The following OR51D1 variants were observed in gnomAD, a reference collection of about 807,000 sequenced individuals.
OR51D1 encodes olfactory receptor 51D1.
For synonymous variants in OR51D1, 187 were observed against 161.1 expected, an observed-to-expected ratio of 1.16 and a Z score of -1.22; for missense variants, 452 against 396.2, an observed-to-expected ratio of 1.14 and a Z score of -1.20.
Position 4,641,143 on chromosome 11 carries a change from G to A in OR51D1, c.*378G>A, listed in dbSNP as rs182187446. The A allele has an allele frequency of 8.0e-5, 15 of 187,206 alleles. No individual in the cohort carries two copies. The highest frequency in any genetic ancestry group is 6.7e-4 in the East Asian group (5 of 7,426). 11.6% of individuals were successfully genotyped at this position (187,206 alleles called of 1,614,324 possible). On this transcript the variant is annotated 3_prime_UTR_variant, in exon 2 of 2. Coordinates refer to ENST00000641817, the MANE Select transcript of OR51D1 (RefSeq NM_001004751.3). ...TGGTGAATTTGCATGGACTATAAACGTTATTGCAAATACCCTAAAGTGGTT... is the reference window on the plus strand; with the variant it reads ...TGGTGAATTTGCATGGACTATAAACATTATTGCAAATACCCTAAAGTGGTT...
rs141699396 is a variant in OR51D1 at position 4,639,850 on chromosome 11, C to T, written c.60C>T (p.His20=). 1.0e-4 allele frequency: 162 copies of T among 1,614,160 alleles called. 2 individuals are homozygous for T. The highest frequency in any genetic ancestry group is 4.6e-4 in the South Asian group (42 of 91,084). The change falls in exon 2 of 2, where the codon CAC becomes CAT. Residue 20 remains histidine, a synonymous_variant. Coordinates refer to ENST00000641817, the MANE Select transcript of OR51D1 (RefSeq NM_001004751.3). ...CCACTTCAAATGGAAATCTGGTCCACGCAGCATACTTCCTTTTGGTGGGTA... is the reference window on the plus strand; with the variant it reads ...CCACTTCAAATGGAAATCTGGTCCATGCAGCATACTTCCTTTTGGTGGGTA... The part of the protein sequence containing the change: ...IIATSNGNLV[H]AAYFLLVGIP...
At position 4,640,711 on chromosome 11, in the gene OR51D1, G is replaced by T; in HGVS notation, c.921G>T (p.Lys307Asn). ...TCAACCCCCTTGTCTATGGAGCCAA[G>T]ACCAAAGAGATCTGTTCAAGGGTCC... Reference protein sequence around the residue: ...PVVNPLVYGAKTKEICSRVLC... With the variant: ...PVVNPLVYGANTKEICSRVLC... Residue 307 changes from lysine to asparagine, a missense_variant, in exon 2 of 2, where the codon AAG becomes AAT. Lys to Asn is a moderately conservative substitution (Grantham distance 94). Transcript: ENST00000641817. 2 of 1,613,892 alleles carry T rather than the reference G, an allele frequency of 1.2e-6. No individual in the cohort carries two copies. Among genetic ancestry groups the T allele is most frequent in the South Asian group, 2.2e-5 (2 of 91,024 alleles).
Position 4,640,135 on chromosome 11 carries a change from C to T in OR51D1, c.345C>T (p.Phe115=). ...TCAACATTTGCCTGGCCCAGATGTTCCTTATCCATGCTCTGTCAGCCGTGG... is the reference window on the plus strand; with the variant it reads ...TCAACATTTGCCTGGCCCAGATGTTTCTTATCCATGCTCTGTCAGCCGTGG... The part of the protein sequence containing the change: ...IEFNICLAQM[F]LIHALSAVES... Residue 115 remains phenylalanine (F), a synonymous_variant, in exon 2 of 2, where the codon TTC becomes TTT. Transcript: ENST00000641817. 6.2e-7 allele frequency: 1 copy of T among 1,614,228 alleles called. No individual in the cohort carries two copies. The highest frequency in any genetic ancestry group is 1.1e-5 in the South Asian group (1 of 91,076).
Position 4,639,951 on chromosome 11 carries a change from G to C in OR51D1, c.161G>C (p.Gly54Ala). Residue 54 changes from glycine to alanine, a missense_variant, in exon 2 of 2, where the codon GGT becomes GCT. Physicochemically the swap from Gly to Ala is moderately conservative, Grantham distance 60. Coordinates refer to ENST00000641817, the MANE Select transcript of OR51D1 (RefSeq NM_001004751.3). ...TTTATGTATGCCTTGGCCACCCTGGGTAACCTGACCATTGTCCTCATCATT... is the reference window on the plus strand; with the variant it reads ...TTTATGTATGCCTTGGCCACCCTGGCTAACCTGACCATTGTCCTCATCATT... ...LCFMYALATL[G>A]NLTIVLIIRV... is the part of the protein sequence containing the mutation. The C allele has an allele frequency of 1.2e-6, 2 of 1,614,168 alleles. No individual in the cohort carries two copies. The highest frequency in any genetic ancestry group is 1.7e-6 in the Non-Finnish European group (2 of 1,180,018).
rs1228994857 is a variant in OR51D1, at chr11:4,641,662, C to T, written c.*897C>T. ...GGTAAGAATGCTGCCTCTACCTTTT[C>T]TTCCTATTTGTACTATGTGAATGTG... On this transcript the variant is annotated 3_prime_UTR_variant, in exon 2 of 2. Transcript: ENST00000641817. 2.6e-5 allele frequency: 4 copies of T among 152,378 alleles called. No homozygotes were observed. The highest frequency in any genetic ancestry group is 7.2e-5 in the African/African-American group (3 of 41,406). The allele number at this position is 152,378 out of a possible 1,614,324, so 9.4% of individuals were successfully genotyped here. A position where few individuals can be genotyped will look rare whatever the true frequency, so the allele number is the denominator to read the frequency against.
In OR51D1 at chr11:4,640,666, C is replaced by T. The variant is rs1410375129; in HGVS notation, c.876C>T (p.Tyr292=). 6.2e-7 allele frequency: 1 copy of T among 1,613,970 alleles called. No homozygotes were observed. The highest frequency in any genetic ancestry group is 8.5e-7 in the Non-Finnish European group (1 of 1,180,008). Residue 292 remains tyrosine (Y), a synonymous_variant, in exon 2 of 2, where the codon TAC becomes TAT. Coordinates refer to ENST00000641817, the MANE Select transcript of OR51D1 (RefSeq NM_001004751.3). ...SLLHVVMANT[Y]LLLPPVVNPL... Reference sequence around the variant, plus strand: ...TCCATGTGGTTATGGCTAATACCTACTTGCTGCTACCACCTGTAGTCAACC... The same window carrying T: ...TCCATGTGGTTATGGCTAATACCTATTTGCTGCTACCACCTGTAGTCAACC...
At position 4,640,245 on chromosome 11, in the gene OR51D1, G is replaced by A. The variant is rs777452875; in HGVS notation, c.455G>A (p.Cys152Tyr). The A allele has an allele frequency of 1.2e-5, 19 of 1,614,098 alleles. 1 individual carries two copies. In the South Asian group the frequency reaches 2.0e-4, roughly 17 times the overall value. The change falls in exon 2 of 2, where the codon TGT becomes TAT. Residue 152 changes from cysteine (C) to tyrosine (Y), a missense_variant. Coordinates refer to ENST00000641817, the MANE Select transcript of OR51D1 (RefSeq NM_001004751.3). ...PLRHASVLTG[C>Y]TVAKIGLSAL... is the part of the protein sequence containing the mutation. The stretch of plus-strand genomic sequence containing the variant: ...CGCCATGCTTCTGTGCTGACAGGGT[G>A]TACTGTGGCCAAGATTGGACTATCT...
Position 4,639,806 on chromosome 11 carries a change from C to T in OR51D1, c.16C>T (p.Leu6Phe), listed in dbSNP as rs772087616. ...TGGATTTTGTATGCAGAAGCCCCAG[C>T]TCTTGGTCCCTATCATAGCCACTTC... MQKPQLLVPIIATSNG... is the reference protein window; with the variant it reads MQKPQFLVPIIATSNG... The change falls in exon 2 of 2, where the codon CTC (leucine) becomes TTC (phenylalanine). Residue 6 changes from leucine to phenylalanine, a missense_variant. Leu to Phe is a conservative substitution (Grantham distance 22, BLOSUM62 0). Transcript: ENST00000641817. 6.2e-7 allele frequency: 1 copy of T among 1,613,206 alleles called. No homozygotes were observed. The highest frequency in any genetic ancestry group is 8.5e-7 in the Non-Finnish European group (1 of 1,179,378).
rs1310079093 is a variant in OR51D1, at chr11:4,642,603, A to G, written c.*1838A>G. 1.3e-5 allele frequency: 2 copies of G among 148,532 alleles called. No individual in the cohort carries two copies. The highest frequency in any genetic ancestry group is 2.5e-5 in the African/African-American group (1 of 40,224). The allele number at this position is 148,532 out of a possible 1,614,324, so 9.2% of individuals were successfully genotyped here. ...GCCTTGGTTGTAGGGAGTTTCTCCT[A>G]ATCCCTCTGGGAAAGCAAGGGTGGA... is the stretch of plus-strand genomic sequence containing the variant. On this transcript the variant is annotated 3_prime_UTR_variant, in exon 2 of 2. Coordinates refer to ENST00000641817, the MANE Select transcript of OR51D1 (RefSeq NM_001004751.3).
Position 4,642,136 on chromosome 11 carries a change from T to C in OR51D1, c.*1371T>C, listed in dbSNP as rs1846975448. The stretch of plus-strand genomic sequence containing the variant: ...GGTCAGCCTGGGTGATAGCTCAGTC[T>C]GTCAGAATGAAAGGAAACACGGTGC... On this transcript the variant is annotated 3_prime_UTR_variant, in exon 2 of 2. Transcript: ENST00000641817. 6.6e-6 allele frequency: 1 copy of C among 152,264 alleles called. No individual in the cohort carries two copies. The highest frequency in any genetic ancestry group is 2.4e-5 in the African/African-American group (1 of 41,442). The allele number at this position is 152,264 out of a possible 1,614,324, so 9.4% of individuals were successfully genotyped here. A position where few individuals can be genotyped will look rare whatever the true frequency, so the allele number is the denominator to read the frequency against.
At chr11:4,638,686 T>C (rs1846925379) in intron 1 of OR51D1, among the ~76,000 whole-genome samples, 1 of 152,212 alleles carries the variant, frequency 6.6e-6, no homozygotes, top group Non-Finnish European at 1.5e-5. Context: ...CCCTCTTCAT[T>C]CACCTCCCTG....
rs1033273473 is a variant in OR51D1 at position 4,637,534 on chromosome 11, G to C, written c.-234G>C. 1.3e-5 allele frequency: 2 copies of C among 152,424 alleles called. No homozygotes were observed. The highest frequency in any genetic ancestry group is 1.3e-4 in the Admixed American group (2 of 15,288). The allele number at this position is 152,424 out of a possible 1,614,324, so 9.4% of individuals were successfully genotyped here. On this transcript the variant is annotated 5_prime_UTR_variant, in exon 1 of 2. Transcript: ENST00000641817. ...GGGTCCGCAGAGACAGGCACAGAAGGCTCATTGCATAAGGAAGCCGGGACT... is the reference window on the plus strand; with the variant it reads ...GGGTCCGCAGAGACAGGCACAGAAGCCTCATTGCATAAGGAAGCCGGGACT...
At position 4,639,391 on chromosome 11, in the gene OR51D1, A is replaced by G. The variant is rs1846933661; in HGVS notation, c.-14-386A>G. ...CAGGATACATCAGAAGAGCTGGTCA[A>G]TGTGGACCATTCTGAGCAATCCTGC... On this transcript the variant is annotated intron_variant, in intron 1 of 1. Coordinates refer to ENST00000641817, the MANE Select transcript of OR51D1 (RefSeq NM_001004751.3). Among the ~76,000 whole-genome samples, 8 of 152,206 alleles carry G rather than the reference A, an allele frequency of 5.3e-5. No individual in the cohort carries two copies. In the South Asian group the frequency reaches 1.7e-3, roughly 32 times the overall value.
intron 1 of OR51D1, among the ~76,000 whole-genome samples, chr11:4,638,466 G>A (rs1332988010): frequency 6.9e-6 from 1 of 144,190 alleles, no homozygotes; most frequent in Admixed American, 6.8e-5. Flanking sequence ...GAGAGTAGGT[G>A]GAGGGAGAGG....
Position 4,642,706 on chromosome 11 carries a change from C to A in OR51D1, c.*1941C>A, listed in dbSNP as rs919751334. The A allele has an allele frequency of 6.6e-6, 1 of 152,178 alleles. No homozygotes were observed. The highest frequency in any genetic ancestry group is 1.5e-5 in the Non-Finnish European group (1 of 68,044). 9.4% of individuals were successfully genotyped at this position (152,178 alleles called of 1,614,324 possible). ...AGGAAGCTGAAAAAACTGTAGCATTCACCTCATTATTCACCTTGTCTCATG... is the reference window on the plus strand; with the variant it reads ...AGGAAGCTGAAAAAACTGTAGCATTAACCTCATTATTCACCTTGTCTCATG... On this transcript the variant is annotated 3_prime_UTR_variant, in exon 2 of 2. Coordinates refer to ENST00000641817, the MANE Select transcript of OR51D1 (RefSeq NM_001004751.3).
intron 1 of OR51D1, among the ~76,000 whole-genome samples, chr11:4,638,338 C>T (rs1846922156): frequency 2.0e-5 from 3 of 152,062 alleles, no homozygotes; most frequent in Admixed American, 2.0e-4. Flanking sequence ...ATAGGCTATC[C>T]AGGTAGAACT....
At position 4,637,505 on chromosome 11, in the gene OR51D1, G is replaced by C. The variant is rs903375311; in HGVS notation, c.-263G>C. On this transcript the variant is annotated 5_prime_UTR_variant, in exon 1 of 2. Transcript: ENST00000641817. ...GCTCAGCCCAGGGAGGTTAGGCAAC[G>C]GGAGGGTCCGCAGAGACAGGCACAG... The C allele has an allele frequency of 1.3e-5, 2 of 152,414 alleles. No individual in the cohort carries two copies. The highest frequency in any genetic ancestry group is 1.9e-4 in the East Asian group (1 of 5,190). 9.4% of individuals were successfully genotyped at this position (152,414 alleles called of 1,614,324 possible).
chr11:4,639,032 C>T (rs1351596815), intron 1 of OR51D1, among the ~76,000 whole-genome samples: 1 of 152,182 alleles, frequency 6.6e-6, no homozygotes, highest in East Asian at 1.9e-4. Context: ...ACCTTGCGAT[C>T]TGCCCACCTC....
rs1466996818 is a variant in OR51D1, at chr11:4,641,837, GTACA to G, written c.*1074_*1077del. 6 of 152,350 alleles carry G rather than the reference GTACA, an allele frequency of 3.9e-5. No homozygotes were observed. Among genetic ancestry groups the G allele is most frequent in the Admixed American group, 1.3e-4 (2 of 15,278 alleles). The allele number at this position is 152,350 out of a possible 1,614,324, so 9.4% of individuals were successfully genotyped here. The stretch of plus-strand genomic sequence containing the variant: ...GTTATTAGTTGTAAGTCGGTGAAAT[GTACA>G]TCTGAATTCTGTGTGCATATTGTTG... On this transcript the variant is annotated 3_prime_UTR_variant, in exon 2 of 2. Transcript: ENST00000641817.
Sources: allele counts gnomAD v4.1 joint callset (sites outside exome capture counted in the v4.1 genomes callset), GRCh38; gene constraint gnomAD v4.1.1; transcripts MANE v1.5; gene names NCBI Gene and HGNC (gene_info 2026-07-23, HGNC 2026-07-21).